Variants in LRRC4C observed in about 807,000 individuals in gnomAD.
LRRC4C encodes the protein leucine-rich repeat-containing protein 4C.
Under a neutral mutation model 33.6 loss-of-function variants are expected in LRRC4C, and 5 were observed. The ratio of observed to expected loss-of-function variants is 0.15; its 90% CI spans 0.08 to 0.31. LRRC4C has a LOEUF of 0.31. Among genes scored for constraint, LRRC4C ranks in the 10% least tolerant of loss-of-function variants. The pLI, the probability that LRRC4C is intolerant of heterozygous loss-of-function variation, is 1.00. For missense variants in LRRC4C, 560 were observed against 796.7 expected, an observed-to-expected ratio of 0.70 and a Z score of 3.58; for synonymous variants, 329 against 302.0, an observed-to-expected ratio of 1.09 and a Z score of -0.93.
At position 40,309,251 on chromosome 11, in the gene LRRC4C, G is replaced by T. The variant is rs940291316; in HGVS notation, c.-176+10377C>A. On this transcript the variant is annotated intron_variant, in intron 4 of 6. Coordinates refer to ENST00000528697, the MANE Select transcript of LRRC4C (RefSeq NM_001258419.2). ...GATTTGCTTATTGTATATTCAAATTGATATATATATCCATATCATATTCAT... is the reference window on the plus strand; with the variant it reads ...GATTTGCTTATTGTATATTCAAATTTATATATATATCCATATCATATTCAT... 3.9e-5 allele frequency among the ~76,000 whole-genome samples: 6 copies of T among 151,944 alleles called. No individual in the cohort carries two copies. In the East Asian group the frequency reaches 1.2e-3, roughly 29 times the overall value.
chr11:41,219,716 C>G (rs184308952), intron 1 of LRRC4C, among the ~76,000 whole-genome samples: 1 of 152,330 alleles, frequency 6.6e-6, no homozygotes, highest in East Asian at 1.9e-4. Flanking sequence ...TTATTCAGCT[C>G]CCTCTGCTCA....
rs115162357 is a variant in LRRC4C, at chr11:40,665,076, A to G, written c.-406-16798T>C. On this transcript the variant is annotated intron_variant, in intron 2 of 6. Coordinates refer to ENST00000528697, the MANE Select transcript of LRRC4C (RefSeq NM_001258419.2). ...TGCTGAGAATGATGGTTTGTCAAGGATGACAATTTATCTTCTGGTAGGATA... is the reference window on the plus strand; with the variant it reads ...TGCTGAGAATGATGGTTTGTCAAGGGTGACAATTTATCTTCTGGTAGGATA... 2.8e-3 allele frequency among the ~76,000 whole-genome samples: 427 copies of G among 151,588 alleles called. 2 individuals are homozygous for G. The highest frequency in any genetic ancestry group is 9.9e-3 in the African/African-American group (409 of 41,276).
chr11:41,407,985 A>C (rs1954306035), intron 1 of LRRC4C, among the ~76,000 whole-genome samples: 1 of 152,148 alleles, frequency 6.6e-6, no homozygotes, highest in South Asian at 2.1e-4. Flanking sequence ...CAGATTGGGA[A>C]AGAGAAGCTA....
chr11:40,963,238 T>G (rs1851092889), intron 1 of LRRC4C, among the ~76,000 whole-genome samples: 1 of 151,754 alleles, frequency 6.6e-6, no homozygotes, highest in African/African-American at 2.4e-5. Flanking sequence ...ACCTAAATAA[T>G]TTTTAATACA....
At chr11:40,213,926 G>GA (rs888145753) in intron 5 of LRRC4C, among the ~76,000 whole-genome samples, 32 of 149,962 alleles carry the variant, frequency 2.1e-4, no homozygotes, top group Non-Finnish European at 3.1e-4. Flanking sequence ...TTGAAAATGA[G>GA]AAAAAAAAAG....
At chr11:40,906,911 A>G (rs769933053) in intron 2 of LRRC4C, among the ~76,000 whole-genome samples, 4 of 152,222 alleles carry the variant, frequency 2.6e-5, no homozygotes, top group Non-Finnish European at 4.4e-5. Flanking sequence ...AAACATGTTA[A>G]TAGCTTATAA....
intron 3 of LRRC4C, among the ~76,000 whole-genome samples, chr11:40,466,799 C>T (rs1370326640): frequency 6.6e-6 from 1 of 151,912 alleles, no homozygotes; most frequent in Non-Finnish European, 1.5e-5. Context: ...TCAAGAAAAT[C>T]TAAGTAATTT....
chr11:40,949,811 A>G (rs1315529956), intron 1 of LRRC4C, among the ~76,000 whole-genome samples: 1 of 151,942 alleles, frequency 6.6e-6, no homozygotes, highest in Non-Finnish European at 1.5e-5. Context: ...GCATCAACTA[A>G]CGAGCAAAAT....
intron 3 of LRRC4C, among the ~76,000 whole-genome samples, chr11:40,630,657 C>T (rs1189691938): frequency 6.6e-6 from 1 of 152,122 alleles, no homozygotes; most frequent in East Asian, 1.9e-4. Flanking sequence ...TTCAGAGATG[C>T]TGCATAATAA....
chr11:41,347,486 C>A (rs1438540815), intron 1 of LRRC4C, among the ~76,000 whole-genome samples: 1 of 152,070 alleles, frequency 6.6e-6, no homozygotes, highest in Non-Finnish European at 1.5e-5. Context: ...AAGAAGGCTG[C>A]AGATGTTAAA....
At chr11:40,273,422 G>C (rs912267245) in intron 4 of LRRC4C, among the ~76,000 whole-genome samples, 5 of 152,104 alleles carry the variant, frequency 3.3e-5, no homozygotes, top group Admixed American at 3.3e-4. Flanking sequence ...AGGCAATGCT[G>C]CTTAATTCAG....
At chr11:40,272,150 G>A (rs1191585474) in intron 4 of LRRC4C, among the ~76,000 whole-genome samples, 2 of 152,012 alleles carry the variant, frequency 1.3e-5, no homozygotes, top group Non-Finnish European at 2.9e-5. Context: ...ATAAGAAAAC[G>A]GAAACTGTGA....
intron 3 of LRRC4C, among the ~76,000 whole-genome samples, chr11:40,390,550 AG>A (rs1443779074): frequency 5.9e-5 from 9 of 152,216 alleles, no homozygotes; most frequent in Non-Finnish European, 1.2e-4. Context: ...ACTGTGTGCT[AG>A]GTGATATATT....
chr11:40,716,939 C>A (rs571768845), intron 2 of LRRC4C, among the ~76,000 whole-genome samples: 1 of 152,224 alleles, frequency 6.6e-6, no homozygotes, highest in African/African-American at 2.4e-5. Context: ...TCGGAGCTGC[C>A]ACACTTGAAG....
chr11:40,123,997 T>C (rs1565016700), intron 6 of LRRC4C, among the ~76,000 whole-genome samples: 1 of 152,056 alleles, frequency 6.6e-6, no homozygotes, highest in Non-Finnish European at 1.5e-5. Context: ...GAAAGGACAG[T>C]CTCTTTAATA....
chr11:40,948,133 C>G (rs896760069), intron 1 of LRRC4C, among the ~76,000 whole-genome samples: 1 of 152,014 alleles, frequency 6.6e-6, no homozygotes, highest in Non-Finnish European at 1.5e-5. Flanking sequence ...TTATGACTCC[C>G]CCATATAAGT....
At chr11:41,263,307 T>TAATTCAAGATTTGTGA (rs1949043052) in intron 1 of LRRC4C, among the ~76,000 whole-genome samples, 1 of 152,126 alleles carries the variant, frequency 6.6e-6, no homozygotes, top group African/African-American at 2.4e-5. Context: ...TCACATGCAA[T>TAATTCAAGATTTGTGA]AATTCAAGAT....
chr11:41,361,382 C>A (rs1207417764), intron 1 of LRRC4C, among the ~76,000 whole-genome samples: 1 of 152,144 alleles, frequency 6.6e-6, no homozygotes, highest in African/African-American at 2.4e-5. Context: ...TCTGTGCCTG[C>A]ATAAGCTTCT....
chr11:40,249,195 C>T (rs545385356), intron 4 of LRRC4C, among the ~76,000 whole-genome samples: 5 of 152,024 alleles, frequency 3.3e-5, no homozygotes, highest in South Asian at 2.1e-4. Context: ...AAAAATTAGC[C>T]GGGTGTGGTG....
Sources: allele counts gnomAD v4.1 joint callset (sites outside exome capture counted in the v4.1 genomes callset), GRCh38; gene constraint gnomAD v4.1.1; transcripts MANE v1.5; gene names NCBI Gene and HGNC (gene_info 2026-07-23, HGNC 2026-07-21).